Variants in SPON2 observed in about 807,000 individuals in gnomAD.
The protein encoded by SPON2 is spondin-2.
Under a neutral mutation model 29.9 loss-of-function variants are expected in SPON2, and 32 were observed. The ratio of observed to expected loss-of-function variants is 1.07; its 90% confidence interval spans 0.81 to 1.44. The LOEUF is 1.44. Ranked by LOEUF, SPON2 falls within the 40% of genes most tolerant of loss-of-function variation. SPON2 has a pLI of 0.00. For synonymous variants in SPON2, 248 were observed against 209.1 expected (o/e 1.19, Z -1.61); for missense variants, 541 against 455.5 (o/e 1.19, Z -1.71).
intron 1 of SPON2, among the ~76,000 whole-genome samples, chr4:1,186,470 A>C (rs964668876): frequency 6.6e-6 from 1 of 151,986 alleles, no homozygotes; most frequent in African/African-American, 2.4e-5. Context: ...TGCCCGGCTA[A>C]TTTTTTGTAT....
At chr4:1,192,078 C>A (rs531325543) in intron 1 of SPON2, among the ~76,000 whole-genome samples, 1 of 152,256 alleles carries the variant, frequency 6.6e-6, no homozygotes, top group Non-Finnish European at 1.5e-5. Flanking sequence ...CCCATGCTAG[C>A]GTCAGGGGAC....
chr4:1,188,752 A>G (rs1727850309), intron 1 of SPON2, among the ~76,000 whole-genome samples: 1 of 152,182 alleles, frequency 6.6e-6, no homozygotes, highest in African/African-American at 2.4e-5. Flanking sequence ...TCAATAGCCC[A>G]TTTCCAATCA....
intron 5 of SPON2, among the ~76,000 whole-genome samples, chr4:1,168,495 C>T (rs375764914): frequency 7.2e-5 from 11 of 152,228 alleles, no homozygotes; most frequent in African/African-American, 2.7e-4. Context: ...GAAGCCCTGG[C>T]CAGGCCCACA....
chr4:1,206,487 G>A (rs553444622), intron 1 of SPON2, among the ~76,000 whole-genome samples: 82 of 152,378 alleles, frequency 5.4e-4, no homozygotes, highest in Non-Finnish European at 8.4e-4. Context: ...TGACCTGGAG[G>A]GCCCGGGGCA....
Position 1,167,354 on chromosome 4 carries a change from C to G in SPON2, c.*118G>C. ...GCAGAGATGGTCGGCGCGGCCTCAC[C>G]GCGGTCAGGAGCAGCGCGAAACCCC... is the stretch of plus-strand genomic sequence containing the variant. On this transcript the variant is annotated 3_prime_UTR_variant, in exon 6 of 6. Transcript: ENST00000290902. The G allele has an allele frequency of 3.6e-6, 4 of 1,113,820 alleles. No individual in the cohort carries two copies. In the South Asian group the frequency reaches 6.2e-5, roughly 17 times the overall value. The allele number at this position is 1,113,820 out of a possible 1,614,324, so 69.0% of individuals were successfully genotyped here. A position where few individuals can be genotyped will look rare whatever the true frequency, so the allele number is the denominator to read the frequency against.
In SPON2 at chr4:1,171,773, C is replaced by A; in HGVS notation, c.220+79G>T. 3 of 1,019,916 alleles carry A rather than the reference C, an allele frequency of 2.9e-6. No homozygotes were observed. In the South Asian group the frequency reaches 3.9e-5, roughly 13 times the overall value. 63.2% of individuals were successfully genotyped at this position (1,019,916 alleles called of 1,614,324 possible). Reference sequence around the variant, plus strand: ...TCAGCACGCCCCAGACTGGGAAGCGCCGCCGTGCAGCTGTGCGGGGGGCTC... The same window carrying A: ...TCAGCACGCCCCAGACTGGGAAGCGACGCCGTGCAGCTGTGCGGGGGGCTC... On this transcript the variant is annotated intron_variant, in intron 2 of 5. Transcript: ENST00000290902.
chr4:1,171,233 G>T (rs1292331165), intron 3 of SPON2, 30 bp downstream of exon 3: 2 of 1,433,222 alleles, frequency 1.4e-6, no homozygotes, highest in East Asian at 2.9e-5. Context: ...CGGCCCCCCG[G>T]ACCCCGCCCC....
At chr4:1,205,541 G>A (rs1245761425) in intron 1 of SPON2, among the ~76,000 whole-genome samples, 1 of 152,110 alleles carries the variant, frequency 6.6e-6, no homozygotes, top group Non-Finnish European at 1.5e-5. Flanking sequence ...GAGGATCCTG[G>A]CCTCCCGCAA....
intron 3 of SPON2, 35 bp from the exon 4 acceptor site, chr4:1,171,225 GC>G: frequency 4.2e-6 from 6 of 1,442,400 alleles, no homozygotes; most frequent in Non-Finnish European, 3.6e-6. Flanking sequence ...CCTGGCCCCG[GC>G]CCCCCGGACC....
chr4:1,176,454 CTCACACAGTACATTCATTCATCCAT>C (rs1336833502), upstream of SPON2, among the ~76,000 whole-genome samples: 3 of 151,714 alleles, frequency 2.0e-5, no homozygotes, highest in Admixed American at 6.6e-5. Flanking sequence ...CATTCACTCA[CTCACACAGTACATTCATTCATCCAT>C]TCACACAGTA....
chr4:1,182,080 A>C (rs1332927701), intron 1 of SPON2, among the ~76,000 whole-genome samples: 2 of 152,216 alleles, frequency 1.3e-5, no homozygotes, highest in African/African-American at 4.8e-5. Flanking sequence ...GCCTACAACA[A>C]CAACAAAATG....
intron 2 of SPON2, 46 bp from the exon 3 acceptor site, chr4:1,171,532 G>A: frequency 6.3e-7 from 1 of 1,576,956 alleles, no homozygotes; most frequent in Non-Finnish European, 8.7e-7. Context: ...CAGACACTGC[G>A]GTCGGGCTTG....
chr4:1,196,204 C>T (rs1006406089), upstream of SPON2, among the ~76,000 whole-genome samples: 2 of 152,218 alleles, frequency 1.3e-5, no homozygotes, highest in South Asian at 4.1e-4. Context: ...TTTAACGTCT[C>T]TTACTGGGCA....
At chr4:1,179,149 T>G (rs1283035574) in intron 2 of SPON2, among the ~76,000 whole-genome samples, 1 of 150,572 alleles carries the variant, frequency 6.6e-6, no homozygotes, top group Non-Finnish European at 1.5e-5. Context: ...TCTGACTTAT[T>G]TAGCTGACGC....
intron 1 of SPON2, among the ~76,000 whole-genome samples, chr4:1,180,994 C>A (rs546075251): frequency 8.1e-4 from 123 of 152,110 alleles, no homozygotes; most frequent in African/African-American, 2.9e-3. Flanking sequence ...TGACACTTCC[C>A]AAAGATAAAG....
At chr4:1,182,626 A>C (rs1050434002) in intron 1 of SPON2, among the ~76,000 whole-genome samples, 3 of 152,222 alleles carry the variant, frequency 2.0e-5, no homozygotes, top group Admixed American at 1.3e-4. Context: ...CAACATATGC[A>C]TTGGGGGAGA....
At position 1,172,039 on chromosome 4, in the gene SPON2, G is replaced by T. The variant is rs146707934; in HGVS notation, c.33C>A (p.Gly11=). The T allele has an allele frequency of 6.2e-6, 10 of 1,612,106 alleles. No homozygotes were observed. Among genetic ancestry groups the T allele is most frequent in the Non-Finnish European group, 7.6e-6 (9 of 1,179,748 alleles). Residue 11 remains glycine (G), a synonymous_variant, in exon 2 of 6, where the codon GGC becomes GGA. Transcript: ENST00000290902. The part of the protein sequence containing the change: MENPSPAAAL[G]KALCALLLAT... ...CCAGGAGGAGAGCGCAGAGGGCCTT[G>T]CCCAGGGCGGCGGCCGGGCTGGGGT...
chr4:1,171,239 G>C (rs1388206912), intron 3 of SPON2, 24 bp downstream of exon 3: 1 of 1,427,514 alleles, frequency 7.0e-7, no homozygotes, highest in Non-Finnish European at 9.1e-7. Context: ...CCCGGACCCC[G>C]CCCCCGGCCG....
At chr4:1,180,821 G>T (rs1348504427) in intron 1 of SPON2, among the ~76,000 whole-genome samples, 4 of 152,194 alleles carry the variant, frequency 2.6e-5, no homozygotes, top group Non-Finnish European at 5.9e-5. Context: ...TAGGTAAATT[G>T]AAAGTATCCA....
Sources: gnomAD v4.1 joint callset for allele counts (sites outside exome capture counted in the v4.1 genomes callset) on GRCh38, gnomAD v4.1.1 for gene constraint, MANE v1.5 for transcripts, NCBI Gene and HGNC (gene_info 2026-07-23, HGNC 2026-07-21) for gene names.